CDCA3: variants seen among roughly 807,000 people sequenced by gnomAD.
The protein encoded by CDCA3 is cell division cycle-associated protein 3.
CDCA3 carries 16 observed loss-of-function variants against 29.1 expected under a neutral mutation model. The ratio of observed to expected loss-of-function variants is 0.55; its 90% CI spans 0.37 to 0.83. The LOEUF is 0.83. Among genes scored for constraint, CDCA3 ranks in the 40% least tolerant of loss-of-function variants. The pLI, the probability that CDCA3 is intolerant of heterozygous loss-of-function variation, is 0.00. For synonymous variants in CDCA3, 88 were observed against 124.5 expected (o/e 0.71, Z 1.95); for missense variants, 291 against 327.2 (o/e 0.89, Z 0.85).
At chr12:6,845,646 G>A (rs1483838408), downstream of CDCA3, 3 of 1,613,810 alleles carry the variant, frequency 1.9e-6, no homozygotes, top group Non-Finnish European at 2.5e-6. Context: ...CCGCTTGTTT[G>A]ACCTGCGGGC....
At chr12:6,845,448 C>A, downstream of CDCA3, 1 of 644,108 alleles carries the variant, frequency 1.6e-6, no homozygotes, top group Non-Finnish European at 2.8e-6. Context: ...TGCTTCTCAC[C>A]CCAAACCAAG....
Position 6,848,892 on chromosome 12 carries a change from G to T in CDCA3, c.*151C>A, listed in dbSNP as rs1042440931. On this transcript the variant is annotated 3_prime_UTR_variant, in exon 6 of 6. Transcript: ENST00000538862. Reference sequence around the variant, plus strand: ...ATAAAAGAAACACACAAGACACAAAGAAAGCCCAATAAAGCTGTGAGTCCC... The same window carrying T: ...ATAAAAGAAACACACAAGACACAAATAAAGCCCAATAAAGCTGTGAGTCCC... The T allele has an allele frequency of 1.5e-5, 9 of 593,510 alleles. No homozygotes were observed. Among genetic ancestry groups the T allele is most frequent in the African/African-American group, 1.5e-4 (8 of 53,476 alleles). 36.8% of individuals were successfully genotyped at this position (593,510 alleles called of 1,614,324 possible). A position where few individuals can be genotyped will look rare whatever the true frequency, so the allele number is the denominator to read the frequency against.
downstream of CDCA3, chr12:6,845,533 G>T: frequency 7.9e-7 from 1 of 1,271,828 alleles, no homozygotes; most frequent in Non-Finnish European, 1.1e-6. Context: ...GGCGGGAGAG[G>T]CTGTGGGCTG....
chr12:6,845,292 G>A (rs932954631), downstream of CDCA3: 22 of 366,866 alleles, frequency 6.0e-5, no homozygotes, highest in East Asian at 4.6e-4. Context: ...GACAACCTCC[G>A]TCCGCCCTTC....
chr12:6,845,733 C>A (rs202103093), downstream of CDCA3: 1 of 1,614,074 alleles, frequency 6.2e-7, no homozygotes, highest in Admixed American at 1.7e-5. Context: ...CCTCAGTGGC[C>A]GCCTACTATT....
chr12:6,851,051 G>C, intron 1 of CDCA3, 42 bp from the exon 2 acceptor site: 1 of 1,466,292 alleles, frequency 6.8e-7, no homozygotes, highest in Non-Finnish European at 9.0e-7. Flanking sequence ...TCTCTTCCAC[G>C]TCGGACCTTC....
chr12:6,848,134 G>A (rs1219748047), downstream of CDCA3: 2 of 152,216 alleles, frequency 1.3e-5, no homozygotes, highest in Non-Finnish European at 2.9e-5. Context: ...CAGATCACTT[G>A]AGCCTAGGAG....
At position 6,849,824 on chromosome 12, in the gene CDCA3, T is replaced by A. The variant is rs782560815; in HGVS notation, c.285A>T (p.Glu95Asp). 7.7e-6 allele frequency: 12 copies of A among 1,560,184 alleles called. No homozygotes were observed. Among genetic ancestry groups the A allele is most frequent in the Admixed American group, 5.7e-5 (3 of 52,970 alleles). ...PPSPLVKQLS[E>D]VFETEDSKSN... ...ATTTAGAGTCTTCAGTTTCAAATAC[T>A]TCACTCAGCTGTTTCACCAGTGGGC... is the stretch of plus-strand genomic sequence containing the variant. The change falls in exon 4 of 6, where the codon GAA becomes GAT. Residue 95 changes from glutamate (E) to aspartate (D), a missense_variant. Glu to Asp is a conservative substitution (Grantham distance 45). Transcript: ENST00000538862. The surrounding 1 kb of genome is among the most constrained non-coding windows in gnomAD (Gnocchi z 5.2).
At chr12:6,845,460 G>T (rs2301339), downstream of CDCA3, 133 of 657,052 alleles carry the variant, frequency 2.0e-4, no homozygotes, top group African/African-American at 2.1e-3. Flanking sequence ...CAAACCAAGG[G>T]AGGGACAGGC....
downstream of CDCA3, chr12:6,845,628 G>A (rs372895359): frequency 7.9e-5 from 128 of 1,613,222 alleles, no homozygotes; most frequent in Admixed American, 3.5e-4. Context: ...CTCGGATGAC[G>A]CTTCCTGCCG....
At position 6,849,514 on chromosome 12, in the gene CDCA3, C is replaced by A. The variant is rs1318202931; in HGVS notation, c.544+51G>T. 2 of 1,567,722 alleles carry A rather than the reference C, an allele frequency of 1.3e-6. No homozygotes were observed. Among genetic ancestry groups the A allele is most frequent in the African/African-American group, 2.7e-5 (2 of 73,528 alleles). ...CCACACTCACCCATGGACCTTATCC[C>A]AAAACATTATCCTAGTTTATCTTCC... On this transcript the variant is annotated intron_variant, in intron 4 of 5. Transcript: ENST00000538862. The surrounding 1 kb of genome is among the most constrained non-coding windows in gnomAD (Gnocchi z 5.2).
At chr12:6,848,771 C>T (rs1193976561), downstream of CDCA3, 14 of 445,598 alleles carry the variant, frequency 3.1e-5, no homozygotes, top group African/African-American at 6.1e-5. Context: ...GGCCAGGGAA[C>T]GCAAGCTCTC....
Position 6,850,780 on chromosome 12 carries a change from A to G in CDCA3, c.120+53T>C. 2 of 1,601,746 alleles carry G rather than the reference A, an allele frequency of 1.2e-6. No individual in the cohort carries two copies. The highest frequency in any genetic ancestry group is 1.1e-5 in the South Asian group (1 of 89,586). ...CGGCTCTCTCAAAATCAGGTTAGGA[A>G]GAGACCCAAGAATTCAGACATTCTC... On this transcript the variant is annotated intron_variant, in intron 2 of 5. Transcript: ENST00000538862. The surrounding 1 kb of genome is among the most constrained non-coding windows in gnomAD (Gnocchi z 4.7).
At chr12:6,847,103 A>G (rs936831194), downstream of CDCA3, 6 of 557,112 alleles carry the variant, frequency 1.1e-5, no homozygotes, top group Admixed American at 6.1e-5. Context: ...ATCTCCTCCC[A>G]TGGCCTTCCC....
intron 1 of CDCA3, 34 bp downstream of exon 1, chr12:6,851,188 C>T: frequency 7.5e-7 from 1 of 1,333,562 alleles, no homozygotes; most frequent in Non-Finnish European, 9.6e-7. Context: ...GCTGAGCCCT[C>T]TAACTTATTT....
chr12:6,846,224 G>C (rs1426080622), downstream of CDCA3: 1 of 188,518 alleles, frequency 5.3e-6, no homozygotes, highest in African/African-American at 2.3e-5. Flanking sequence ...AAGTTGGTCA[G>C]ATAGGATGGC....
downstream of CDCA3, chr12:6,846,616 C>CACAT: frequency 1.8e-6 from 1 of 556,032 alleles, no homozygotes; most frequent in Non-Finnish European, 3.3e-6. Flanking sequence ...TGCTCAAGCA[C>CACAT]ACATGCACAC....
chr12:6,848,729 T>C (rs1467577245), downstream of CDCA3: 2 of 352,066 alleles, frequency 5.7e-6, no homozygotes, highest in Admixed American at 9.1e-5. Flanking sequence ...AAGGGAGATG[T>C]GCAAAGAAGG....
In CDCA3 at chr12:6,849,667, G is replaced by A; in HGVS notation, c.442C>T (p.Gln148Ter). ...PWNQTEFPSK[Q>*]VFSKEEARQP... ...CTTGCTTCCTCCTTGGAAAACACCT[G>A]TTTGGAGGGGAACTCAGTCTGGTTC... Residue 148 changes from glutamine (Q) to a stop codon, truncating the protein, a stop_gained, in exon 4 of 6, where the codon CAG (glutamine) becomes TAG (stop). Transcript: ENST00000538862. LOFTEE classifies it high-confidence loss of function. This position sits in a 1 kb window ranked among gnomAD's most constrained non-coding sequence, Gnocchi z 5.2. 6.2e-7 allele frequency: 1 copy of A among 1,614,096 alleles called. No individual in the cohort carries two copies. The highest frequency in any genetic ancestry group is 8.5e-7 in the Non-Finnish European group (1 of 1,179,990).
Sources: allele counts gnomAD v4.1 joint callset, GRCh38; gene constraint gnomAD v4.1.1; non-coding constraint Gnocchi (gnomAD v3.1); transcripts MANE v1.5; gene names NCBI Gene and HGNC (gene_info 2026-07-23, HGNC 2026-07-21).